The following ITFG1 variants were observed in gnomAD, a reference collection of about 807,000 sequenced individuals.
The protein encoded by ITFG1 is T-cell immunomodulatory protein.
A neutral mutation model predicts 81.8 loss-of-function variants in ITFG1; 34 were observed. The ratio of observed to expected loss-of-function variants is 0.42; its 90% CI spans 0.32 to 0.55. The LOEUF is 0.55. Among genes scored for constraint, ITFG1 ranks in the 20% least tolerant of loss-of-function variants. The pLI is 0.17. For missense variants in ITFG1, 672 were observed against 755.4 expected (o/e 0.89, Z 1.29); for synonymous variants, 285 against 270.6 (o/e 1.05, Z -0.52).
intron 14 of ITFG1, among the ~76,000 whole-genome samples, chr16:47,191,010 G>A (rs1965285540): frequency 6.6e-6 from 1 of 152,074 alleles, no homozygotes; most frequent in Admixed American, 6.6e-5. Flanking sequence ...ACAGTATAAG[G>A]GCTATCAGGG....
At chr16:47,281,835 T>C (rs1464256273) in intron 10 of ITFG1, among the ~76,000 whole-genome samples, 1 of 152,090 alleles carries the variant, frequency 6.6e-6, no homozygotes, top group Non-Finnish European at 1.5e-5. Flanking sequence ...GCTTTTGATT[T>C]GCCTTTGTTA....
At chr16:47,187,095 C>T (rs1464890454) in intron 14 of ITFG1, among the ~76,000 whole-genome samples, 1 of 152,038 alleles carries the variant, frequency 6.6e-6, no homozygotes, top group African/African-American at 2.4e-5. Context: ...CAAACCACTG[C>T]TCAAGGAAAT....
intron 14 of ITFG1, among the ~76,000 whole-genome samples, chr16:47,185,135 C>T (rs1199126859): frequency 6.6e-6 from 1 of 152,062 alleles, no homozygotes; most frequent in South Asian, 2.1e-4. Context: ...AAAGCAAGTC[C>T]TGAGTGACCT....
chr16:47,225,064 T>G (rs904784166), intron 13 of ITFG1, among the ~76,000 whole-genome samples: 2 of 152,146 alleles, frequency 1.3e-5, no homozygotes, highest in African/African-American at 4.8e-5. Flanking sequence ...AAGAAAATTA[T>G]GAGAACAGTG....
At chr16:47,261,415 T>C (rs1400588861) in intron 10 of ITFG1, among the ~76,000 whole-genome samples, 1 of 152,206 alleles carries the variant, frequency 6.6e-6, no homozygotes, top group Non-Finnish European at 1.5e-5. Flanking sequence ...GAAAGTTACT[T>C]AGAACAACTC....
chr16:47,192,703 A>C (rs1317983901), intron 14 of ITFG1, among the ~76,000 whole-genome samples: 1 of 152,142 alleles, frequency 6.6e-6, no homozygotes, highest in African/African-American at 2.4e-5. Context: ...GTGTTGGTAA[A>C]ATAGTTTCCC....
intron 13 of ITFG1, among the ~76,000 whole-genome samples, chr16:47,237,714 TTAAAA>T (rs1965892353): frequency 6.6e-6 from 1 of 152,170 alleles, no homozygotes; most frequent in South Asian, 2.1e-4. Flanking sequence ...CCAAAATGTC[TTAAAA>T]TAATTGGAGG....
chr16:47,365,312 T>G (rs1968162342), intron 8 of ITFG1, among the ~76,000 whole-genome samples: 1 of 152,210 alleles, frequency 6.6e-6, no homozygotes, highest in South Asian at 2.1e-4. Context: ...AACTTGATTG[T>G]GCAGAATCTT....
chr16:47,185,405 AAACT>A (rs1203322580), intron 14 of ITFG1, among the ~76,000 whole-genome samples: 1 of 152,246 alleles, frequency 6.6e-6, no homozygotes, highest in Admixed American at 6.5e-5. Context: ...AAATTATAAC[AAACT>A]GTCTCTCAGA....
intron 9 of ITFG1, chr16:47,312,912 A>G (rs1033479876): frequency 6.6e-6 from 1 of 152,208 alleles, no homozygotes; most frequent in African/African-American, 2.4e-5. Context: ...ATTACTAATA[A>G]TTATGAACCA....
At chr16:47,425,370 G>C (rs1400581003) in intron 6 of ITFG1, among the ~76,000 whole-genome samples, 5 of 152,078 alleles carry the variant, frequency 3.3e-5, no homozygotes, top group African/African-American at 1.2e-4. Flanking sequence ...CTTTGGCTAG[G>C]AAAGGAAATC....
chr16:47,311,195 C>G, intron 10 of ITFG1, 45 bp downstream of exon 10: 1 of 1,416,974 alleles, frequency 7.1e-7, no homozygotes, highest in Non-Finnish European at 9.7e-7. Context: ...GCAAATATTT[C>G]TCACATAGTT....
chr16:47,216,655 T>A (rs1377650939), intron 14 of ITFG1, among the ~76,000 whole-genome samples: 1 of 151,974 alleles, frequency 6.6e-6, no homozygotes, highest in Non-Finnish European at 1.5e-5. Context: ...TTTTATTATT[T>A]TATTATTTAT....
In ITFG1 at chr16:47,460,860, C is replaced by G. The variant is rs764560240; in HGVS notation, c.186G>C (p.Thr62=). The G allele has an allele frequency of 6.2e-7, 1 of 1,613,628 alleles. No homozygotes were observed. Among genetic ancestry groups the G allele is most frequent in the Non-Finnish European group, 8.5e-7 (1 of 1,179,970 alleles). Residue 62 remains threonine (T), a synonymous_variant, in exon 1 of 18, where the codon ACG becomes ACC. Transcript: ENST00000320640. Reference sequence around the variant, plus strand: ...GACTTTCCCGCAGCACGAAGAGATCCGTCTGCTTGTCGGAGTTGAGGTCCC... The same window carrying G: ...GACTTTCCCGCAGCACGAAGAGATCGGTCTGCTTGTCGGAGTTGAGGTCCC... ...AFGDLNSDKQ[T]DLFVLRERND...
At chr16:47,231,980 C>A (rs1232482024) in intron 13 of ITFG1, among the ~76,000 whole-genome samples, 2 of 152,124 alleles carry the variant, frequency 1.3e-5, no homozygotes, top group South Asian at 2.1e-4. Context: ...TGCATTAGTG[C>A]CAGTGATTTG....
At chr16:47,157,643 A>G (rs146992051) in intron 17 of ITFG1, 4 of 152,290 alleles carry the variant, frequency 2.6e-5, no homozygotes, top group Non-Finnish European at 5.9e-5. Context: ...TTAAGTTGCA[A>G]TCTTAAGGTT....
At chr16:47,323,742 G>C (rs1967485097) in intron 8 of ITFG1, among the ~76,000 whole-genome samples, 1 of 151,958 alleles carries the variant, frequency 6.6e-6, no homozygotes, top group Admixed American at 6.6e-5. Context: ...CAGTGAGTTG[G>C]GGTAGTAATG....
At chr16:47,186,876 C>T (rs1312719531) in intron 14 of ITFG1, among the ~76,000 whole-genome samples, 1 of 152,154 alleles carries the variant, frequency 6.6e-6, no homozygotes, top group Non-Finnish European at 1.5e-5. Context: ...TGTCTCAGCC[C>T]AAAATCTCCT....
intron 14 of ITFG1, among the ~76,000 whole-genome samples, chr16:47,174,740 G>A (rs866400255): frequency 4.6e-5 from 7 of 152,148 alleles, no homozygotes; most frequent in South Asian, 2.1e-4. Context: ...GGCTGGTCTC[G>A]AATTCCTGAC....
Sources: allele counts gnomAD v4.1 joint callset (sites outside exome capture counted in the v4.1 genomes callset), GRCh38; gene constraint gnomAD v4.1.1; transcripts MANE v1.5; gene names NCBI Gene and HGNC (gene_info 2026-07-23, HGNC 2026-07-21).